Variants in STARD13 observed in about 807,000 individuals in gnomAD.
The protein encoded by STARD13 is stAR-related lipid transfer protein 13.
A neutral mutation model predicts 106.4 loss-of-function variants in STARD13; 62 were observed. The observed-to-expected ratio is 0.58, with a 90% CI of 0.48 to 0.72. STARD13 has a LOEUF of 0.72. STARD13 is among the 30% of genes least tolerant of loss of function. The pLI is 0.00. For synonymous variants in STARD13, 565 were observed against 553.0 expected (o/e 1.02, Z -0.31); for missense variants, 1,387 against 1,424.0 (o/e 0.97, Z 0.42).
Position 33,103,359 on chromosome 13 carries a change from T to C in STARD13, c.*2234A>G, listed in dbSNP as rs1210426645. 2 of 152,656 alleles carry C rather than the reference T, an allele frequency of 1.3e-5. No homozygotes were observed. Among genetic ancestry groups the C allele is most frequent in the African/African-American group, 4.8e-5 (2 of 41,450 alleles). 9.5% of individuals were successfully genotyped at this position (152,656 alleles called of 1,614,324 possible). A position where few individuals can be genotyped will look rare whatever the true frequency, so the allele number is the denominator to read the frequency against. On this transcript the variant is annotated 3_prime_UTR_variant, in exon 14 of 14. Transcript: ENST00000336934. The stretch of plus-strand genomic sequence containing the variant: ...AGCTTGATGCATCGTTTTTTCTCCT[T>C]TTTTTCCCTTTTCCTTGTTTTAAAA...
At chr13:33,593,151 G>A in the STARD13 span, among the ~76,000 whole-genome samples, 6,903 of 152,004 alleles carry the variant, frequency 0.045, 292 homozygotes, top group East Asian at 0.25. Context: ...TAGAAGATGT[G>A]GAAGATGTTT....
At chr13:33,215,116 A>T (rs1020081049) in intron 1 of STARD13, among the ~76,000 whole-genome samples, 2 of 35,616 alleles carry the variant, frequency 5.6e-5, no homozygotes, top group Non-Finnish European at 9.9e-5. Flanking sequence ...TAGAATGAGT[A>T]CTTGGGGGGG....
the STARD13 span, among the ~76,000 whole-genome samples, chr13:33,514,755 A>G: frequency 6.6e-6 from 1 of 152,150 alleles, no homozygotes; most frequent in Non-Finnish European, 1.5e-5. Flanking sequence ...ACAGTGACAG[A>G]TGATACCATG....
the STARD13 span, among the ~76,000 whole-genome samples, chr13:33,401,595 A>C: frequency 6.6e-6 from 1 of 152,146 alleles, no homozygotes; most frequent in Non-Finnish European, 1.5e-5. Flanking sequence ...GGGTGCTTTT[A>C]CCCAACTTTC....
At chr13:33,616,968 A>G in the STARD13 span, among the ~76,000 whole-genome samples, 1 of 152,144 alleles carries the variant, frequency 6.6e-6, no homozygotes, top group Non-Finnish European at 1.5e-5. Flanking sequence ...GAGCGTCCCT[A>G]AGGAACTGTG....
intron 1 of STARD13, among the ~76,000 whole-genome samples, chr13:33,245,377 G>GA (rs1889772475): frequency 2.0e-5 from 3 of 152,174 alleles, no homozygotes; most frequent in African/African-American, 7.2e-5. Context: ...GTTTATGAAA[G>GA]AAAAAATATC....
chr13:33,277,050 A>AAAG (rs201177973), intron 1 of STARD13, among the ~76,000 whole-genome samples: 3 of 55,720 alleles, frequency 5.4e-5, no homozygotes, highest in Non-Finnish European at 1.3e-4. Context: ...AAGCTTCTGA[A>AAAG]AAAAAAAAAA....
At chr13:33,125,423 G>A (rs555001355) in intron 7 of STARD13, among the ~76,000 whole-genome samples, 5 of 152,000 alleles carry the variant, frequency 3.3e-5, no homozygotes, top group South Asian at 4.2e-4. Flanking sequence ...AGTACAGGAC[G>A]GACAGCACTC....
intron 1 of STARD13, among the ~76,000 whole-genome samples, chr13:33,181,330 A>T (rs752056101): frequency 1.3e-5 from 2 of 152,058 alleles, no homozygotes; most frequent in Non-Finnish European, 2.9e-5. Flanking sequence ...AATATGTCTT[A>T]GGTAAAACTG....
chr13:33,266,003 T>C (rs1890879189), intron 1 of STARD13, among the ~76,000 whole-genome samples: 1 of 152,240 alleles, frequency 6.6e-6, no homozygotes, highest in South Asian at 2.1e-4. Flanking sequence ...CTTGTATTTA[T>C]AATTTCTTTA....
chr13:33,670,750 A>G, the STARD13 span, among the ~76,000 whole-genome samples: 1 of 152,190 alleles, frequency 6.6e-6, no homozygotes, highest in African/African-American at 2.4e-5. Flanking sequence ...CCCTCCCCCG[A>G]GTTGCTTATA....
the STARD13 span, among the ~76,000 whole-genome samples, chr13:33,387,830 TC>T: frequency 6.6e-6 from 1 of 152,218 alleles, no homozygotes; most frequent in African/African-American, 2.4e-5. Flanking sequence ...GGTCCAGATG[TC>T]CTTCATGGAC....
chr13:33,552,585 AT>A, the STARD13 span, among the ~76,000 whole-genome samples: 1 of 152,224 alleles, frequency 6.6e-6, no homozygotes, highest in Non-Finnish European at 1.5e-5. Context: ...TAAACTATAA[AT>A]TTTATATGTA....
intron 1 of STARD13, among the ~76,000 whole-genome samples, chr13:33,307,553 G>A (rs997930720): frequency 1.8e-4 from 27 of 152,158 alleles, no homozygotes; most frequent in African/African-American, 5.8e-4. Flanking sequence ...GCAAACTAAT[G>A]CAGGAACAGA....
At chr13:33,140,552 G>A (rs1192862606) in intron 4 of STARD13, among the ~76,000 whole-genome samples, 1 of 152,090 alleles carries the variant, frequency 6.6e-6, no homozygotes, top group Non-Finnish European at 1.5e-5. Context: ...TACCTCCTCA[G>A]CTTAAAGCTT....
At chr13:33,136,930 A>G (rs969865423) in intron 4 of STARD13, among the ~76,000 whole-genome samples, 1 of 152,264 alleles carries the variant, frequency 6.6e-6, no homozygotes, top group African/African-American at 2.4e-5. Flanking sequence ...CCAGGGAGCC[A>G]CAGGCCACAG....
the STARD13 span, chr13:33,439,672 T>G: frequency 8.0e-7 from 1 of 1,249,146 alleles, no homozygotes; most frequent in African/African-American, 1.6e-5. Flanking sequence ...CAGGAAAACA[T>G]TTTCTCAGGG....
chr13:33,623,803 T>TA, the STARD13 span, among the ~76,000 whole-genome samples: 3 of 151,778 alleles, frequency 2.0e-5, no homozygotes, highest in African/African-American at 4.9e-5. Context: ...AAAAAAGTGT[T>TA]AAAAAAAGAC....
intron 5 of STARD13, 62 bp downstream of exon 5, chr13:33,128,867 T>A: frequency 2.0e-6 from 3 of 1,502,290 alleles, no homozygotes; most frequent in Non-Finnish European, 2.7e-6. Context: ...GTTAAAGAAA[T>A]AAACAGAACA....
Sources: gnomAD v4.1 joint callset for allele counts (sites outside exome capture counted in the v4.1 genomes callset) on GRCh38, gnomAD v4.1.1 for gene constraint, MANE v1.5 for transcripts, NCBI Gene and HGNC (gene_info 2026-07-23, HGNC 2026-07-21) for gene names.